EPHA5: variants seen among roughly 807,000 people sequenced by gnomAD.
EPHA5 encodes EPH receptor A5, also known as ephrin type-A receptor 5.
A neutral mutation model predicts 105.0 loss-of-function variants in EPHA5; 60 were observed. The ratio of observed to expected loss-of-function variants is 0.57; its 90% CI spans 0.46 to 0.71. The LOEUF is 0.71. EPHA5 is among the 30% of genes least tolerant of loss of function. The pLI is 0.00. For missense variants in EPHA5, 1,218 were observed against 1,274.7 expected (o/e 0.96, Z 0.68); for synonymous variants, 513 against 449.1 (o/e 1.14, Z -1.80).
At chr4:65,599,246 CT>C (rs1410795179) in intron 3 of EPHA5, among the ~76,000 whole-genome samples, 2 of 151,640 alleles carry the variant, frequency 1.3e-5, no homozygotes, top group Non-Finnish European at 2.9e-5. Flanking sequence ...AAATTTCTGG[CT>C]TATTTAGAAG....
At chr4:65,648,171 A>T (rs1459336361) in intron 1 of EPHA5, among the ~76,000 whole-genome samples, 4 of 152,198 alleles carry the variant, frequency 2.6e-5, no homozygotes, top group African/African-American at 7.2e-5. Context: ...GAATAAGAAG[A>T]TTCCTAAATC....
chr4:65,565,210 G>A (rs1242070418), intron 3 of EPHA5, among the ~76,000 whole-genome samples: 2 of 151,470 alleles, frequency 1.3e-5, no homozygotes, highest in Non-Finnish European at 3.0e-5. Flanking sequence ...AAGATTCAAG[G>A]CCAATGGTGA....
chr4:65,588,759 T>C (rs1475340984), intron 3 of EPHA5, among the ~76,000 whole-genome samples: 1 of 152,188 alleles, frequency 6.6e-6, no homozygotes, highest in Non-Finnish European at 1.5e-5. Flanking sequence ...CCAACAACTC[T>C]TAGAAAGCTT....
At chr4:65,547,149 G>A (rs1433489820) in intron 3 of EPHA5, among the ~76,000 whole-genome samples, 1 of 152,016 alleles carries the variant, frequency 6.6e-6, no homozygotes, top group East Asian at 1.9e-4. Context: ...AGGTGTTTGT[G>A]TGAAATGCGT....
chr4:65,424,124 G>C (rs1193423071), intron 5 of EPHA5, among the ~76,000 whole-genome samples: 2 of 151,944 alleles, frequency 1.3e-5, no homozygotes, highest in African/African-American at 2.4e-5. Context: ...CATATGTCTA[G>C]TATGTACTGA....
chr4:65,600,927 A>T (rs1202588810), intron 3 of EPHA5, among the ~76,000 whole-genome samples: 1 of 151,994 alleles, frequency 6.6e-6, no homozygotes, highest in Non-Finnish European at 1.5e-5. Context: ...AGAAGCATGC[A>T]TGATCAAGTT....
rs1723854462 is a variant in EPHA5 at position 65,420,585 on chromosome 4, AG to A, written c.1403-21del. On this transcript the variant is annotated intron_variant, in intron 5 of 16. Transcript: ENST00000613740. Reference sequence around the variant, plus strand: ...ATGGAGCTGCAAAATAGTTTAAATAAGGAGCAGTATGATTAATAAGGCCCTA... The same window carrying A: ...ATGGAGCTGCAAAATAGTTTAAATAAGAGCAGTATGATTAATAAGGCCCTA... 6.2e-7 allele frequency: 1 copy of A among 1,610,554 alleles called. No homozygotes were observed. Among genetic ancestry groups the A allele is most frequent in the African/African-American group, 1.3e-5 (1 of 74,834 alleles).
chr4:65,589,714 T>TA (rs902736671), intron 3 of EPHA5, among the ~76,000 whole-genome samples: 2 of 152,110 alleles, frequency 1.3e-5, no homozygotes, highest in African/African-American at 2.4e-5. Flanking sequence ...AGTCTGGTTC[T>TA]AAAAAAAGAA....
rs1411559342 is a variant in EPHA5 at position 65,601,843 on chromosome 4, C to A, written c.708G>T (p.Val236=). The change falls in exon 3 of 17, where the codon GTG becomes GTT. Residue 236 remains valine (V), a synonymous_variant. Transcript: ENST00000613740. ...CAGGGAAGACAGCCAAGTGTCGTAC[C>A]ACAGAAGGGCATTTTTTATAGTATA... The part of the protein sequence containing the change: ...VRVYYKKCPS[V]VRHLAVFPDT... 6.2e-7 allele frequency: 1 copy of A among 1,614,074 alleles called. No homozygotes were observed. The highest frequency in any genetic ancestry group is 2.2e-5 in the East Asian group (1 of 44,864).
intron 5 of EPHA5, among the ~76,000 whole-genome samples, chr4:65,489,841 T>C (rs551329711): frequency 3.4e-4 from 51 of 152,206 alleles, no homozygotes; most frequent in Non-Finnish European, 5.4e-4. Flanking sequence ...TAGTTCATAG[T>C]TACTCTAATT....
intron 7 of EPHA5, among the ~76,000 whole-genome samples, chr4:65,412,355 T>C (rs1722991514): frequency 6.6e-6 from 1 of 152,194 alleles, no homozygotes; most frequent in Non-Finnish European, 1.5e-5. Context: ...GTTACTCATG[T>C]TGATTTCTTC....
At chr4:65,654,254 AC>A (rs1387587871) in intron 1 of EPHA5, among the ~76,000 whole-genome samples, 10 of 151,512 alleles carry the variant, frequency 6.6e-5, no homozygotes, top group African/African-American at 1.7e-4. Context: ...AAAAAAAAAA[AC>A]AAAACTATTT....
Position 65,324,079 on chromosome 4 carries a change from A to T in EPHA5, c.*35T>A, listed in dbSNP as rs1175686763. Reference sequence around the variant, plus strand: ...TCTCAGTGCTGTTTACAAAGTGCAGAATCATTCACTTGAAGAAGCGACATT... The same window carrying T: ...TCTCAGTGCTGTTTACAAAGTGCAGTATCATTCACTTGAAGAAGCGACATT... On this transcript the variant is annotated 3_prime_UTR_variant, in exon 17 of 17. Coordinates refer to ENST00000613740, the MANE Select transcript of EPHA5 (RefSeq NM_001281766.3). 2.9e-6 allele frequency: 4 copies of T among 1,388,840 alleles called. No individual in the cohort carries two copies. The African/African-American group carries it at 5.7e-5, about 20-fold the overall frequency. The allele number at this position is 1,388,840 out of a possible 1,614,324, so 86.0% of individuals were successfully genotyped here.
intron 5 of EPHA5, among the ~76,000 whole-genome samples, chr4:65,444,926 A>C (rs1726373250): frequency 6.6e-6 from 1 of 152,022 alleles, no homozygotes; most frequent in East Asian, 1.9e-4. Flanking sequence ...TTTTTCTTTG[A>C]ATTAGTCACT....
intron 3 of EPHA5, among the ~76,000 whole-genome samples, chr4:65,508,410 T>C (rs192294616): frequency 1.3e-5 from 2 of 152,240 alleles, no homozygotes; most frequent in Admixed American, 1.3e-4. Flanking sequence ...ATGCAAGGTC[T>C]TGGCCTTGAT....
chr4:65,339,416 A>C (rs1030893140), intron 14 of EPHA5, among the ~76,000 whole-genome samples: 1 of 152,140 alleles, frequency 6.6e-6, no homozygotes, highest in African/African-American at 2.4e-5. Context: ...ACAAATAGTT[A>C]AGTCCTCACT....
chr4:65,349,064 C>G (rs1025899663), intron 13 of EPHA5, among the ~76,000 whole-genome samples: 1 of 151,700 alleles, frequency 6.6e-6, no homozygotes, highest in Non-Finnish European at 1.5e-5. Flanking sequence ...GATTCACCCA[C>G]CTTAGCCTCC....
At chr4:65,631,733 T>TATAATAATA (rs71205398) in intron 2 of EPHA5, among the ~76,000 whole-genome samples, 38 of 109,594 alleles carry the variant, frequency 3.5e-4, no homozygotes, top group African/African-American at 9.9e-4. Context: ...AAACTTAAAG[T>TATAATAATA]ATAATAATAA....
intron 2 of EPHA5, among the ~76,000 whole-genome samples, chr4:65,607,556 A>C (rs948266748): frequency 2.6e-5 from 4 of 152,220 alleles, no homozygotes; most frequent in Non-Finnish European, 5.9e-5. Context: ...GAAGACATTT[A>C]TGCAGCCAAC....
Sources: gnomAD v4.1 joint callset for allele counts (sites outside exome capture counted in the v4.1 genomes callset) on GRCh38, gnomAD v4.1.1 for gene constraint, MANE v1.5 for transcripts, NCBI Gene and HGNC (gene_info 2026-07-23, HGNC 2026-07-21) for gene names.